Variants in DNAH10 observed in about 807,000 individuals in gnomAD.
DNAH10 encodes the protein dynein axonemal heavy chain 10, also known as axonemal beta dynein heavy chain 10.
Under a neutral mutation model 506.6 loss-of-function variants are expected in DNAH10, and 348 were observed. The observed-to-expected ratio is 0.69, with a 90% CI of 0.63 to 0.75. The LOEUF is 0.75. Ranked by LOEUF, DNAH10 falls within the 30% of genes least tolerant of loss-of-function variation. The pLI is 0.00. For synonymous variants in DNAH10, 2,059 were observed against 2,198.6 expected, an observed-to-expected ratio of 0.94 and a Z score of 1.78; for missense variants, 5,179 against 5,787.1, an observed-to-expected ratio of 0.89 and a Z score of 3.41.
intron 50 of DNAH10, among the ~76,000 whole-genome samples, chr12:123,881,226 A>G (rs1291385305): frequency 1.3e-5 from 2 of 152,188 alleles, no homozygotes; most frequent in Admixed American, 1.3e-4. Flanking sequence ...GAATCGCCAC[A>G]CTGACTTCCA....
chr12:123,774,961 G>T (rs1957386119), intron 5 of DNAH10, among the ~76,000 whole-genome samples: 1 of 152,200 alleles, frequency 6.6e-6, no homozygotes, highest in Admixed American at 6.5e-5. Context: ...GTAGGGGAAA[G>T]ACATGGCACA....
chr12:123,771,330 G>A (rs554974842), intron 2 of DNAH10, among the ~76,000 whole-genome samples: 4 of 152,172 alleles, frequency 2.6e-5, no homozygotes, highest in South Asian at 2.1e-4. Flanking sequence ...GAAGTCACAC[G>A]GTCACAGGGT....
intron 21 of DNAH10, among the ~76,000 whole-genome samples, chr12:123,816,773 G>A: frequency 6.6e-6 from 1 of 152,136 alleles, no homozygotes; most frequent in East Asian, 1.9e-4. Flanking sequence ...AACCTTATGG[G>A]ACTTACGCCT....
At chr12:123,767,476 A>G (rs1957090718) in intron 1 of DNAH10, 130 bp from the exon 2 acceptor site, 2 of 793,406 alleles carry the variant, frequency 2.5e-6, no homozygotes, top group South Asian at 3.3e-5. Context: ...CTGCTGTACC[A>G]CTGTAACATA....
chr12:123,773,643 A>G (rs1593977026), intron 4 of DNAH10, among the ~76,000 whole-genome samples: 1 of 152,306 alleles, frequency 6.6e-6, no homozygotes, highest in Middle Eastern at 3.4e-3. Flanking sequence ...CTATCCTCCC[A>G]TGGTGGAGAG....
At position 123,887,171 on chromosome 12, in the gene DNAH10, C is replaced by T. The variant is rs757053105; in HGVS notation, c.8853C>T (p.Tyr2951=). The change falls in exon 52 of 79, where the codon TAC becomes TAT. Residue 2951 remains tyrosine (Y), a synonymous_variant. Coordinates refer to ENST00000673944, the MANE Select transcript of DNAH10 (RefSeq NM_001372106.1). The stretch of plus-strand genomic sequence containing the variant: ...TTGAGATCCTGCTGAGCCGAGGCTA[C>T]TCGGAGAACAGTTTCCGGGAAGACC... ...EVFEILLSRG[Y]SENSFREDLK... The T allele has an allele frequency of 1.2e-6, 2 of 1,611,796 alleles. No individual in the cohort carries two copies. The highest frequency in any genetic ancestry group is 1.7e-6 in the Non-Finnish European group (2 of 1,179,010).
At chr12:123,771,267 G>A (rs1957242537) in intron 2 of DNAH10, among the ~76,000 whole-genome samples, 1 of 152,106 alleles carries the variant, frequency 6.6e-6, no homozygotes, top group Non-Finnish European at 1.5e-5. Flanking sequence ...ACTGCGCCTG[G>A]ACTGTAATTC....
chr12:123,895,958 C>T (rs144196238), intron 54 of DNAH10, among the ~76,000 whole-genome samples: 23,923 of 151,650 alleles, frequency 0.16, 1,934 homozygotes, highest in East Asian at 0.24. Context: ...ACTAAAAATA[C>T]AAAAATTAGC....
At chr12:123,841,948 A>C (rs1950790235) in intron 30 of DNAH10, among the ~76,000 whole-genome samples, 1 of 152,198 alleles carries the variant, frequency 6.6e-6, no homozygotes, top group Non-Finnish European at 1.5e-5. Flanking sequence ...GGCCTCCCAA[A>C]GTGCTGGGAT....
chr12:123,833,063 CG>C, intron 26 of DNAH10, 50 bp from the exon 27 acceptor site: 1 of 1,448,638 alleles, frequency 6.9e-7, no homozygotes, highest in Non-Finnish European at 9.5e-7. Flanking sequence ...GGTTGGGGCT[CG>C]GTCCTTTCAG....
intron 24 of DNAH10, 119 bp downstream of exon 24, chr12:123,820,877 C>A: frequency 8.4e-7 from 1 of 1,192,232 alleles, no homozygotes; most frequent in Non-Finnish European, 1.2e-6. Context: ...GTTGTGGAAA[C>A]GCTCATTTTG....
At chr12:123,904,816 A>G (rs1185485282) in intron 57 of DNAH10, among the ~76,000 whole-genome samples, 2 of 152,210 alleles carry the variant, frequency 1.3e-5, no homozygotes, top group Admixed American at 6.5e-5. Context: ...GGCTGGGCAC[A>G]TGGTCAGAGC....
chr12:123,796,602 T>C, intron 12 of DNAH10, 54 bp from the exon 13 acceptor site: 2 of 1,492,148 alleles, frequency 1.3e-6, no homozygotes, highest in Admixed American at 2.2e-5. Context: ...CTCATCTTTC[T>C]TGGCTAACCT....
chr12:123,841,187 A>G, intron 29 of DNAH10, 135 bp from the exon 30 acceptor site: 1 of 858,114 alleles, frequency 1.2e-6, no homozygotes. Flanking sequence ...AACGACATCC[A>G]TCTTGCCTGC....
intron 21 of DNAH10, among the ~76,000 whole-genome samples, chr12:123,814,609 A>AT (rs1214217837): frequency 0.035 from 4,299 of 121,102 alleles, 224 homozygotes; most frequent in African/African-American, 0.089. Context: ...GGCCAGGTAG[A>AT]TTTTTTTTTT....
chr12:123,811,227 T>C (rs1266425406), intron 19 of DNAH10, among the ~76,000 whole-genome samples: 1 of 152,212 alleles, frequency 6.6e-6, no homozygotes, highest in Non-Finnish European at 1.5e-5. Context: ...TAGTGCGTGC[T>C]GTTGGGAGGA....
chr12:123,906,345 G>A (rs957232789), intron 57 of DNAH10, among the ~76,000 whole-genome samples: 4 of 151,482 alleles, frequency 2.6e-5, no homozygotes, highest in African/African-American at 7.3e-5. Context: ...AGGTTCAAAC[G>A]ATTCTCCTGC....
intron 2 of DNAH10, among the ~76,000 whole-genome samples, chr12:123,768,480 G>A (rs1249653298): frequency 6.6e-6 from 1 of 152,126 alleles, no homozygotes; most frequent in African/African-American, 2.4e-5. Flanking sequence ...TGGATTTTGG[G>A]CCCACTCTAA....
In DNAH10 at chr12:123,883,105, C is replaced by T. The variant is rs187862364; in HGVS notation, c.8823+1292C>T. 1.7e-3 allele frequency among the ~76,000 whole-genome samples: 264 copies of T among 152,278 alleles called. 1 individual carries two copies. Among genetic ancestry groups the T allele is most frequent in the Non-Finnish European group, 2.7e-3 (187 of 68,018 alleles). On this transcript the variant is annotated intron_variant, in intron 51 of 78. Coordinates refer to ENST00000673944, the MANE Select transcript of DNAH10 (RefSeq NM_001372106.1). ...CCCTCGTGTGGCTATGCCACGTTTC[C>T]TTTATCCACTGCTGGGCGTGTTTGT...
Sources: gnomAD v4.1 joint callset for allele counts (sites outside exome capture counted in the v4.1 genomes callset) on GRCh38, gnomAD v4.1.1 for gene constraint, MANE v1.5 for transcripts, NCBI Gene and HGNC (gene_info 2026-07-23, HGNC 2026-07-21) for gene names.